The following ZNF273 variants were observed in gnomAD, a reference collection of about 807,000 sequenced individuals.
ZNF273 encodes zinc finger protein 273.
Under a neutral mutation model 14.9 loss-of-function variants are expected in ZNF273, and 11 were observed. The observed-to-expected ratio is 0.74, with a 90% confidence interval of 0.46 to 1.22. The LOEUF (loss-of-function observed/expected upper bound fraction) is 1.22. Ranked by LOEUF, ZNF273 falls within the 50% of genes most tolerant of loss-of-function variation. The pLI, the probability that ZNF273 is intolerant of heterozygous loss-of-function variation, is 0.00. For missense variants in ZNF273, 577 were observed against 660.6 expected, an observed-to-expected ratio of 0.87 and a Z score of 1.39; for synonymous variants, 199 against 223.9, an observed-to-expected ratio of 0.89 and a Z score of 0.99.
downstream of ZNF273, among the ~76,000 whole-genome samples, chr7:64,880,790 C>T (rs1791225854): frequency 6.6e-6 from 1 of 152,144 alleles, no homozygotes; most frequent in South Asian, 2.1e-4. Flanking sequence ...ACAGAAACCC[C>T]CGAGTGCCTC....
chr7:64,920,020 A>C (rs1584002270), intron 3 of ZNF273, among the ~76,000 whole-genome samples: 1 of 151,986 alleles, frequency 6.6e-6, no homozygotes, highest in African/African-American at 2.4e-5. Context: ...GAATTTGAAG[A>C]AACAAACACA....
At chr7:64,883,216 C>CCCCA (rs1791357492), downstream of ZNF273, among the ~76,000 whole-genome samples, 1 of 138,878 alleles carries the variant, frequency 7.2e-6, no homozygotes, top group Non-Finnish European at 1.6e-5. Context: ...AAATCACCAC[C>CCCCA]CCCCCCTCAC....
chr7:64,909,545 C>G (rs1793346919), intron 1 of ZNF273, among the ~76,000 whole-genome samples: 1 of 152,088 alleles, frequency 6.6e-6, no homozygotes, highest in South Asian at 2.1e-4. Flanking sequence ...TTTTCTTTAT[C>G]CGGTCTACTA....
At chr7:64,894,763 A>G (rs926789829), downstream of ZNF273, among the ~76,000 whole-genome samples, 18 of 152,164 alleles carry the variant, frequency 1.2e-4, no homozygotes, top group African/African-American at 4.3e-4. Context: ...ATGATTTTTA[A>G]CTACAGTGAT....
At position 64,903,410 on chromosome 7, in the gene ZNF273, C is replaced by T; in HGVS notation, c.93C>T (p.Ser31=). The T allele has an allele frequency of 6.2e-7, 1 of 1,612,726 alleles. No individual in the cohort carries two copies. Residue 31 remains serine (S), a synonymous_variant, in exon 1 of 4, where the codon AGC becomes AGT. Transcript: ENST00000476120. ...STAKTPGLPG[S]LEMGPLTFRD... is the part of the protein sequence containing the mutation. ...CTAAGACGCCAGGACTCCCTGGAAG[C>T]CTAGAAATGGTGAGAGTGCCGGGTC... is the stretch of plus-strand genomic sequence containing the variant.
intron 3 of ZNF273, among the ~76,000 whole-genome samples, chr7:64,896,271 G>A (rs1391884037): frequency 1.3e-5 from 2 of 152,042 alleles, no homozygotes; most frequent in Non-Finnish European, 2.9e-5. Context: ...TAGAAAAGAA[G>A]CCAAGTTACC....
chr7:64,919,771 T>G (rs1225813445), intron 3 of ZNF273, among the ~76,000 whole-genome samples: 1 of 152,206 alleles, frequency 6.6e-6, no homozygotes, highest in African/African-American at 2.4e-5. Context: ...TATGTTAATT[T>G]TATATTTTGC....
downstream of ZNF273, chr7:64,889,185 C>G (rs1392053875): frequency 1.0e-6 from 1 of 985,760 alleles, no homozygotes; most frequent in Non-Finnish European, 1.2e-6. The surrounding 1 kb of genome is among the most constrained non-coding windows in gnomAD (Gnocchi z 4.2). Flanking sequence ...GCGGCGGCAG[C>G]CCCTGCAGTC....
rs1000793589 is a variant in ZNF273, at chr7:64,928,539, G to A, written c.1211G>A (p.Cys404Tyr). ...CATACTGGAGAGAAACCCTACAAATGTGAAGAATGTGGTAAAGCCTTTAAA... is the reference window on the plus strand; with the variant it reads ...CATACTGGAGAGAAACCCTACAAATATGAAGAATGTGGTAAAGCCTTTAAA... ...IVHTGEKPYK[C>Y]EECGKAFKRS... Residue 404 changes from cysteine to tyrosine, a missense_variant, in exon 4 of 4, where the codon TGT (cysteine) becomes TAT (tyrosine). By Grantham distance (194) the Cys-to-Tyr change is radical (BLOSUM62 -2). Coordinates refer to ENST00000476120, the MANE Select transcript of ZNF273 (RefSeq NM_021148.3). 3.0e-5 allele frequency: 49 copies of A among 1,613,666 alleles called. No individual in the cohort carries two copies. The highest frequency in any genetic ancestry group is 4.2e-5 in the Non-Finnish European group (49 of 1,179,894).
chr7:64,918,641 C>CA (rs1213588836), intron 3 of ZNF273, among the ~76,000 whole-genome samples: 1 of 106,470 alleles, frequency 9.4e-6, no homozygotes, highest in African/African-American at 3.7e-5. Context: ...AGCCTGGAGA[C>CA]AGAGTGAGAC....
downstream of ZNF273, chr7:64,889,525 C>T (rs936265531): frequency 2.0e-6 from 2 of 985,710 alleles, no homozygotes; most frequent in Non-Finnish European, 2.4e-6. The surrounding 1 kb of genome is among the most constrained non-coding windows in gnomAD (Gnocchi z 4.2). Context: ...CCTGGCAGCT[C>T]CTGGTGCCAC....
chr7:64,890,699 G>A (rs1178449664), downstream of ZNF273, among the ~76,000 whole-genome samples: 1 of 152,202 alleles, frequency 6.6e-6, no homozygotes, highest in Non-Finnish European at 1.5e-5. Context: ...GGACTCCCTG[G>A]CAGGTGAGGT....
intron 1 of ZNF273, among the ~76,000 whole-genome samples, chr7:64,914,173 A>T (rs2902611): frequency 7.9e-6 from 1 of 126,086 alleles, no homozygotes. Flanking sequence ...ACGTCCTGGT[A>T]ATTTTTGTAT....
chr7:64,877,850 A>C (rs1791155710), exon 1 of ZNF273: 1 of 152,178 alleles, frequency 6.6e-6, no homozygotes. Context: ...AGTCTCCTTG[A>C]AACTTGCCCC....
chr7:64,932,964 T>G (rs1795023606), downstream of ZNF273, among the ~76,000 whole-genome samples: 3 of 152,018 alleles, frequency 2.0e-5, no homozygotes, highest in Admixed American at 2.0e-4. Context: ...CCTATTAATA[T>G]TACAATTTGG....
downstream of ZNF273, chr7:64,882,646 G>A (rs1227289386): frequency 1.3e-5 from 2 of 152,314 alleles, no homozygotes; most frequent in African/African-American, 4.8e-5. Flanking sequence ...GGGATCCTCG[G>A]GATACTCCCA....
downstream of ZNF273, chr7:64,889,228 G>A: frequency 3.0e-6 from 3 of 985,758 alleles, no homozygotes; most frequent in Admixed American, 6.1e-5. The surrounding 1 kb of genome is among the most constrained non-coding windows in gnomAD (Gnocchi z 4.2). Flanking sequence ...AGGGGCTGGC[G>A]CTGTTCCTTG....
At chr7:64,916,727 A>AT (rs34080822) in intron 1 of ZNF273, among the ~76,000 whole-genome samples, 68,352 of 151,856 alleles carry the variant, frequency 0.45, 15,681 homozygotes, top group Admixed American at 0.51. Flanking sequence ...CATCATACAA[A>AT]TCTGTCCTGG....
chr7:64,896,570 A>C (rs1421123257), intron 3 of ZNF273, among the ~76,000 whole-genome samples: 1 of 152,132 alleles, frequency 6.6e-6, no homozygotes, highest in Non-Finnish European at 1.5e-5. Flanking sequence ...TTTGAAATAT[A>C]AATGATTTTA....
Sources: gnomAD v4.1 joint callset for allele counts (sites outside exome capture counted in the v4.1 genomes callset) on GRCh38, gnomAD v4.1.1 for gene constraint, Gnocchi (gnomAD v3.1) non-coding constraint, MANE v1.5 for transcripts, NCBI Gene and HGNC (gene_info 2026-07-23, HGNC 2026-07-21) for gene names.